SUB1: variants seen among roughly 807,000 people sequenced by gnomAD.
SUB1 encodes activated RNA polymerase II transcriptional coactivator p15.
In SUB1, 1 loss-of-function variant was observed where a neutral mutation model predicts 16.9. The ratio of observed to expected loss-of-function variants is 0.06; its 90% CI spans 0.02 to 0.28. The LOEUF (loss-of-function observed/expected upper bound fraction) is 0.28. Ranked by LOEUF, SUB1 falls within the 10% of genes least tolerant of loss-of-function variation. SUB1 has a pLI of 1.00. For synonymous variants in SUB1, 51 were observed against 46.9 expected (o/e 1.09, Z -0.36); for missense variants, 84 against 145.2 (o/e 0.58, Z 2.16).
At position 32,591,723 on chromosome 5, in the gene SUB1, T is replaced by A. The variant is rs111784854; in HGVS notation, c.195+38T>A. On this transcript the variant is annotated intron_variant, in intron 3 of 4. Transcript: ENST00000265073. ...ATTTTTTTTTTTTTTTTTTTTGACA[T>A]GGAGTCATGCTCTGTCACCCAGGCT... is the stretch of plus-strand genomic sequence containing the variant. 34 of 1,503,930 alleles carry A rather than the reference T, an allele frequency of 2.3e-5. 2 individuals carry two copies. The South Asian group carries it at 4.3e-4, about 19-fold the overall frequency. The allele number at this position is 1,503,930 out of a possible 1,614,324, so 93.2% of individuals were successfully genotyped here. A position where few individuals can be genotyped will look rare whatever the true frequency, so the allele number is the denominator to read the frequency against.
chr5:32,596,881 G>T (rs1738982139), intron 3 of SUB1: 2 of 152,174 alleles, frequency 1.3e-5, no homozygotes, highest in South Asian at 2.1e-4. Flanking sequence ...TTTGTAATTT[G>T]TGGTAAGCAG....
At chr5:32,590,508 T>G (rs1412331722) in intron 2 of SUB1, among the ~76,000 whole-genome samples, 1 of 151,746 alleles carries the variant, frequency 6.6e-6, no homozygotes, top group Non-Finnish European at 1.5e-5. Context: ...TTTTTTTTTT[T>G]GTAATGAGGA....
chr5:32,597,753 A>G (rs905697533), intron 3 of SUB1: 1 of 152,218 alleles, frequency 6.6e-6, no homozygotes, highest in Non-Finnish European at 1.5e-5. Flanking sequence ...ACTGCTAAGT[A>G]TAGCCTACTG....
rs757128831 is a variant in SUB1 at position 32,591,619 on chromosome 5, T to C, written c.129T>C (p.Gly43=). Reference sequence around the variant, plus strand: ...AACCTGTAAAGAAACAAAAGACAGGTGAGACTTCGAGAGCCCTGTCATCTT... The same window carrying C: ...AACCTGTAAAGAAACAAAAGACAGGCGAGACTTCGAGAGCCCTGTCATCTT... The part of the protein sequence containing the change: ...PEKPVKKQKT[G]ETSRALSSSK... Residue 43 remains glycine (G), a synonymous_variant, in exon 3 of 5, where the codon GGT becomes GGC. Coordinates refer to ENST00000265073, the MANE Select transcript of SUB1 (RefSeq NM_006713.4). 9 of 1,610,510 alleles carry C rather than the reference T, an allele frequency of 5.6e-6. No individual in the cohort carries two copies. The African/African-American group carries it at 1.2e-4, about 22-fold the overall frequency.
In SUB1 at chr5:32,585,582, G is replaced by A. The variant is rs1738629990; in HGVS notation, c.-45G>A. 6.6e-6 allele frequency: 1 copy of A among 152,282 alleles called. No individual in the cohort carries two copies. The allele number at this position is 152,282 out of a possible 1,614,324, so 9.4% of individuals were successfully genotyped here. A position where few individuals can be genotyped will look rare whatever the true frequency, so the allele number is the denominator to read the frequency against. On this transcript the variant is annotated 5_prime_UTR_variant, in exon 1 of 5. Coordinates refer to ENST00000265073, the MANE Select transcript of SUB1 (RefSeq NM_006713.4). ...ACTTCCGGTTCTCTGTCAGTCGCGAGCGAACGACCAAGAGGGTGTTCGACT... is the reference window on the plus strand; with the variant it reads ...ACTTCCGGTTCTCTGTCAGTCGCGAACGAACGACCAAGAGGGTGTTCGACT...
In SUB1 at chr5:32,602,039, G is replaced by A; in HGVS notation, c.*955G>A. The stretch of plus-strand genomic sequence containing the variant: ...TCATTAAGCTTTACTGTTATAGTAG[G>A]TAATATGGTTAGTTTGTAGGGAAAA... On this transcript the variant is annotated 3_prime_UTR_variant, in exon 5 of 5. Transcript: ENST00000265073. 1 of 257,254 alleles carries A rather than the reference G, an allele frequency of 3.9e-6. No individual in the cohort carries two copies. Among genetic ancestry groups the A allele is most frequent in the South Asian group, 3.8e-5 (1 of 26,164 alleles). 15.9% of individuals were successfully genotyped at this position (257,254 alleles called of 1,614,324 possible). A position where few individuals can be genotyped will look rare whatever the true frequency, so the allele number is the denominator to read the frequency against.
chr5:32,587,718 C>T (rs944050101), intron 1 of SUB1, among the ~76,000 whole-genome samples: 1 of 151,618 alleles, frequency 6.6e-6, no homozygotes, highest in African/African-American at 2.4e-5. Flanking sequence ...TGAAGCGATT[C>T]TCCTGCCTCA....
chr5:32,590,280 A>G (rs1738785803), intron 2 of SUB1, among the ~76,000 whole-genome samples: 1 of 152,164 alleles, frequency 6.6e-6, no homozygotes, highest in South Asian at 2.1e-4. Flanking sequence ...TAATTTGGTA[A>G]CATTCAATTA....
At chr5:32,593,583 A>G (rs1014458442) in intron 3 of SUB1, among the ~76,000 whole-genome samples, 5 of 152,234 alleles carry the variant, frequency 3.3e-5, no homozygotes, top group African/African-American at 1.2e-4. Flanking sequence ...TTTTCTCACC[A>G]GAAAAACGGA....
At chr5:32,588,700 G>A (rs1053517000) in intron 2 of SUB1, 116 bp downstream of exon 2, 1 of 1,031,484 alleles carries the variant, frequency 9.7e-7, no homozygotes. Context: ...AGCTGGGCGC[G>A]GTGGCTCATG....
At chr5:32,594,055 T>C (rs909950637) in intron 3 of SUB1, among the ~76,000 whole-genome samples, 1 of 152,226 alleles carries the variant, frequency 6.6e-6, no homozygotes, top group African/African-American at 2.4e-5. Flanking sequence ...AATAATATGA[T>C]ACTTAATTTC....
chr5:32,588,707 C>T, intron 2 of SUB1, 123 bp downstream of exon 2: 1 of 947,352 alleles, frequency 1.1e-6, no homozygotes, highest in Non-Finnish European at 1.5e-6. Flanking sequence ...CGCGGTGGCT[C>T]ATGCCTGTTA....
chr5:32,600,963 TTAAA>T (rs1739101159), intron 4 of SUB1, 38 bp from the exon 5 acceptor site: 5 of 1,557,608 alleles, frequency 3.2e-6, no homozygotes, highest in Middle Eastern at 1.7e-4. Context: ...TCCTCAACGC[TTAAA>T]TAGATTTTCA....
intron 3 of SUB1, 74 bp downstream of exon 3, chr5:32,591,759 G>A: frequency 1.4e-6 from 2 of 1,444,268 alleles, no homozygotes; most frequent in Non-Finnish European, 1.8e-6. Context: ...GGAGTGCAGT[G>A]GCGCCATCTC....
intron 3 of SUB1, chr5:32,596,589 G>C (rs1264512233): frequency 6.6e-6 from 1 of 152,132 alleles, no homozygotes; most frequent in East Asian, 1.9e-4. Context: ...TAGAGATTTA[G>C]AGTCTTCCCC....
At chr5:32,590,879 G>T (rs1220438580) in intron 2 of SUB1, among the ~76,000 whole-genome samples, 1 of 147,760 alleles carries the variant, frequency 6.8e-6, no homozygotes, top group Admixed American at 6.9e-5. Context: ...GCAGTTCTCT[G>T]CCTCAGCCTC....
chr5:32,600,666 T>C (rs1486081756), intron 4 of SUB1, among the ~76,000 whole-genome samples: 1 of 151,904 alleles, frequency 6.6e-6, no homozygotes, highest in Non-Finnish European at 1.5e-5. Flanking sequence ...TGCAGTGGCA[T>C]GATCTTGGCT....
rs1190670823 is a variant in SUB1, at chr5:32,603,847, T to C, written c.*2763T>C. Reference sequence around the variant, plus strand: ...TTTAGGTATCTCTCCTGAAATTCTTTGCAGTTCATTTTTTATGGCAGTTAA... The same window carrying C: ...TTTAGGTATCTCTCCTGAAATTCTTCGCAGTTCATTTTTTATGGCAGTTAA... On this transcript the variant is annotated 3_prime_UTR_variant, in exon 5 of 5. Transcript: ENST00000265073. 6.6e-6 allele frequency: 1 copy of C among 152,188 alleles called. No homozygotes were observed. The highest frequency in any genetic ancestry group is 1.9e-4 in the East Asian group (1 of 5,204). The allele number at this position is 152,188 out of a possible 1,614,324, so 9.4% of individuals were successfully genotyped here.
At position 32,601,351 on chromosome 5, in the gene SUB1, G is replaced by A. The variant is rs1739109702; in HGVS notation, c.*267G>A. 1 of 352,768 alleles carries A rather than the reference G, an allele frequency of 2.8e-6. No individual in the cohort carries two copies. The highest frequency in any genetic ancestry group is 5.1e-6 in the Non-Finnish European group (1 of 194,914). 21.9% of individuals were successfully genotyped at this position (352,768 alleles called of 1,614,324 possible). On this transcript the variant is annotated 3_prime_UTR_variant, in exon 5 of 5. Coordinates refer to ENST00000265073, the MANE Select transcript of SUB1 (RefSeq NM_006713.4). ...AATCTTAACTGTTGTGGCCTTTTTT[G>A]ATCATAAGAGTTGGTACTGTTTAAG...
Sources: gnomAD v4.1 joint callset for allele counts (sites outside exome capture counted in the v4.1 genomes callset) on GRCh38, gnomAD v4.1.1 for gene constraint, MANE v1.5 for transcripts, NCBI Gene and HGNC (gene_info 2026-07-23, HGNC 2026-07-21) for gene names.